The following PCDH1 variants were observed in gnomAD, a reference collection of about 807,000 sequenced individuals.
PCDH1 encodes protocadherin-1.
Under a neutral mutation model 74.6 loss-of-function variants are expected in PCDH1, and 23 were observed. The observed-to-expected ratio is 0.31, with a 90% confidence interval of 0.22 to 0.44. PCDH1 has a LOEUF of 0.44. Ranked by LOEUF, PCDH1 falls within the 20% of genes least tolerant of loss-of-function variation. PCDH1 has a pLI of 1.00. For missense variants in PCDH1, 1,214 were observed against 1,641.4 expected (o/e 0.74, Z 4.50); for synonymous variants, 647 against 686.1 (o/e 0.94, Z 0.89).
chr5:141,863,346 C>T lies in PCDH1; in HGVS notation c.2985G>A (p.Gln995=), dbSNP rs1258563592. Residue 995 remains glutamine, a synonymous_variant, in exon 3 of 5, where the codon CAG becomes CAA. Coordinates refer to ENST00000287008, the MANE Select transcript of PCDH1 (RefSeq NM_032420.5). This position sits in a 1 kb window ranked among gnomAD's most constrained non-coding sequence, Gnocchi z 7.5. ...CGAATGTGTTTGCAGGTGGCAGGTC[C>T]TGTACCACCTGGTGCTTCTTGGAGG... The part of the protein sequence containing the change: ...PSASKKHQVV[Q]DLPPANTFVG... The T allele has an allele frequency of 1.3e-6, 2 of 1,549,866 alleles. No individual in the cohort carries two copies. Among genetic ancestry groups the T allele is most frequent in the Non-Finnish European group, 1.7e-6 (2 of 1,147,592 alleles).
In PCDH1 at chr5:141,869,070, C is replaced by T. The variant is rs746401175; in HGVS notation, c.402G>A (p.Leu134=). ...GGTCTGTGATAGATACCTCAAACTC[C>T]AGGATGCAGGGATCACCAGGGAGCT... ...QNQLPGDPCI[L]EFEVSITDLV... Residue 134 remains leucine (L), a synonymous_variant, in exon 2 of 5, where the codon CTG becomes CTA. Coordinates refer to ENST00000287008, the MANE Select transcript of PCDH1 (RefSeq NM_032420.5). This position sits in a 1 kb window ranked among gnomAD's most constrained non-coding sequence, Gnocchi z 4.9. 9.3e-6 allele frequency: 15 copies of T among 1,614,034 alleles called. No homozygotes were observed. The highest frequency in any genetic ancestry group is 1.6e-4 in the Middle Eastern group (1 of 6,062).
At chr5:141,875,641 G>C (rs1397567763) in intron 1 of PCDH1, among the ~76,000 whole-genome samples, 4 of 152,240 alleles carry the variant, frequency 2.6e-5, no homozygotes, top group Middle Eastern at 6.8e-3. Flanking sequence ...AGACCAGCAA[G>C]ACACCCACTT....
At chr5:141,873,163 G>A (rs998562190) in intron 1 of PCDH1, among the ~76,000 whole-genome samples, 10 of 151,682 alleles carry the variant, frequency 6.6e-5, no homozygotes, top group Admixed American at 4.6e-4. Flanking sequence ...GTCTCACTCC[G>A]TTGCCAGGCT....
chr5:141,856,769 C>T (rs1265338418), intron 4 of PCDH1, among the ~76,000 whole-genome samples: 1 of 152,172 alleles, frequency 6.6e-6, no homozygotes, highest in Non-Finnish European at 1.5e-5. Context: ...TCACTCCATT[C>T]TCTGAGCCCC....
intron 3 of PCDH1, chr5:141,862,594 G>A (rs1180114285): frequency 4.1e-6 from 4 of 981,662 alleles, no homozygotes; most frequent in Non-Finnish European, 4.8e-6. Context: ...GAGGACAAAG[G>A]GCTGCTTCCA....
chr5:141,872,031 C>T lies in PCDH1; in HGVS notation c.41-2600G>A, dbSNP rs1220763093. Among the ~76,000 whole-genome samples, 9 of 152,312 alleles carry T rather than the reference C, an allele frequency of 5.9e-5. No individual in the cohort carries two copies. In the South Asian group the frequency reaches 1.2e-3, roughly 21 times the overall value. ...TATGGCCTTCCCCAAGCACAGGCCC[C>T]TCCCTAAAGTGTGTGCGGCGTTATC... On this transcript the variant is annotated intron_variant, in intron 1 of 4. Coordinates refer to ENST00000287008, the MANE Select transcript of PCDH1 (RefSeq NM_032420.5).
At chr5:141,854,558 C>A in intron 4 of PCDH1, 122 bp from the exon 5 acceptor site, 1 of 1,004,756 alleles carries the variant, frequency 1.0e-6, no homozygotes. Context: ...CCTTCCTGAC[C>A]GCTGAACTCA....
In PCDH1 at chr5:141,853,959, G is replaced by T; in HGVS notation, c.*83C>A. 8.0e-7 allele frequency: 1 copy of T among 1,251,912 alleles called. No homozygotes were observed. The allele number at this position is 1,251,912 out of a possible 1,614,324, so 77.6% of individuals were successfully genotyped here. A position where few individuals can be genotyped will look rare whatever the true frequency, so the allele number is the denominator to read the frequency against. On this transcript the variant is annotated 3_prime_UTR_variant, in exon 5 of 5. Coordinates refer to ENST00000287008, the MANE Select transcript of PCDH1 (RefSeq NM_032420.5). ...CCTGGCCAGGAAGTCCACGCTGAAG[G>T]GGTGGAGAGTGAGGCCCTGGAATGG...
At chr5:141,856,318 G>A (rs912315906) in intron 4 of PCDH1, 24 of 1,423,564 alleles carry the variant, frequency 1.7e-5, no homozygotes, top group Non-Finnish European at 2.3e-5. Flanking sequence ...GAGGGGCGGG[G>A]TGGGGGTGGA....
At chr5:141,872,337 G>A (rs1753115837) in intron 1 of PCDH1, among the ~76,000 whole-genome samples, 1 of 152,220 alleles carries the variant, frequency 6.6e-6, no homozygotes, top group Non-Finnish European at 1.5e-5. Flanking sequence ...CGTTATGTGG[G>A]AAGCCCACGG....
intron 3 of PCDH1, among the ~76,000 whole-genome samples, chr5:141,859,439 C>A (rs1174380032): frequency 2.0e-5 from 3 of 152,146 alleles, no homozygotes; most frequent in African/African-American, 4.8e-5. Flanking sequence ...ATCAAAAAAT[C>A]TCTCTCAAAC....
rs1172659463 is a variant in PCDH1, at chr5:141,864,060, T to A, written c.2271A>T (p.Ala757=). 1 of 1,613,806 alleles carries A rather than the reference T, an allele frequency of 6.2e-7. No individual in the cohort carries two copies. The highest frequency in any genetic ancestry group is 8.5e-7 in the Non-Finnish European group (1 of 1,179,804). ...GVNAELIYSI[A]GGNPYGLFQI... is the part of the protein sequence containing the mutation. ...GGAAGAGTCCATAAGGGTTGCCACCTGCAATGCTGTAGATCAGCTCAGCAT... is the reference window on the plus strand; with the variant it reads ...GGAAGAGTCCATAAGGGTTGCCACCAGCAATGCTGTAGATCAGCTCAGCAT... The change falls in exon 3 of 5, where the codon GCA becomes GCT. Residue 757 remains alanine, a synonymous_variant. Coordinates refer to ENST00000287008, the MANE Select transcript of PCDH1 (RefSeq NM_032420.5). The surrounding 1 kb of genome is among the most constrained non-coding windows in gnomAD (Gnocchi z 5.9).
intron 3 of PCDH1, among the ~76,000 whole-genome samples, chr5:141,862,224 T>C (rs1338339540): frequency 6.6e-6 from 1 of 152,108 alleles, no homozygotes; most frequent in Non-Finnish European, 1.5e-5. Flanking sequence ...TGCCTTCACC[T>C]AAGGCAGGAA....
Position 141,864,445 on chromosome 5 carries a change from C to T in PCDH1, c.1886G>A (p.Ser629Asn), listed in dbSNP as rs1189052176. 1.2e-6 allele frequency: 2 copies of T among 1,614,150 alleles called. No homozygotes were observed. The highest frequency in any genetic ancestry group is 1.7e-5 in the Admixed American group (1 of 60,022). ...AATGACAGTCACCATGCCCACTGGACTCAGTGCTGGCATGTTCTCCATCAC... is the reference window on the plus strand; with the variant it reads ...AATGACAGTCACCATGCCCACTGGATTCAGTGCTGGCATGTTCTCCATCAC... ...FSVMENMPAL[S>N]PVGMVTVIDG... The change falls in exon 3 of 5, where the codon AGT (serine) becomes AAT (asparagine). Residue 629 changes from serine to asparagine, a missense_variant. Physicochemically the swap from Ser to Asn is conservative, Grantham distance 46 (BLOSUM62 1). Coordinates refer to ENST00000287008, the MANE Select transcript of PCDH1 (RefSeq NM_032420.5). The surrounding 1 kb of genome is among the most constrained non-coding windows in gnomAD (Gnocchi z 5.9).
In PCDH1 at chr5:141,853,160, G is replaced by GA. The variant is rs1752189111; in HGVS notation, c.*881_*882insT. The GA allele has an allele frequency of 6.6e-6, 1 of 152,178 alleles. No homozygotes were observed. Among genetic ancestry groups the GA allele is most frequent in the Non-Finnish European group, 1.5e-5 (1 of 68,068 alleles). The allele number at this position is 152,178 out of a possible 1,614,324, so 9.4% of individuals were successfully genotyped here. A position where few individuals can be genotyped will look rare whatever the true frequency, so the allele number is the denominator to read the frequency against. ...AGCCCAGCTCTGCTGATAGGCAAAT[G>GA]TTACCCCCGTCCCCACCCCCACCCA... On this transcript the variant is annotated 3_prime_UTR_variant, in exon 5 of 5. Transcript: ENST00000287008.
At chr5:141,867,897 C>T (rs72794086) in intron 2 of PCDH1, among the ~76,000 whole-genome samples, 16,437 of 152,232 alleles carry the variant, frequency 0.11, 1,012 homozygotes, top group African/African-American at 0.15. Context: ...AGCTGCCTAG[C>T]GCCTGGGGCA....
chr5:141,873,325 A>G (rs1373582874), intron 1 of PCDH1, among the ~76,000 whole-genome samples: 1 of 139,594 alleles, frequency 7.2e-6, no homozygotes, highest in African/African-American at 2.7e-5. Context: ...ATTTTAGTAG[A>G]GACGGGGTTT....
intron 1 of PCDH1, among the ~76,000 whole-genome samples, chr5:141,871,930 G>A (rs1753103810): frequency 6.6e-6 from 1 of 152,128 alleles, no homozygotes; most frequent in Non-Finnish European, 1.5e-5. Context: ...TCTGTTTAGG[G>A]CACATAGTAG....
At position 141,869,769 on chromosome 5, in the gene PCDH1, T is replaced by C. The variant is rs939794926; in HGVS notation, c.41-338A>G. 31 of 985,318 alleles carry C rather than the reference T, an allele frequency of 3.1e-5. No individual in the cohort carries two copies. Among genetic ancestry groups the C allele is most frequent in the Non-Finnish European group, 3.7e-5 (31 of 829,942 alleles). The allele number at this position is 985,318 out of a possible 1,614,324, so 61.0% of individuals were successfully genotyped here. ...TTTCCTTCTTTTCCTCCTTGCTCTC[T>C]GCTCTGTGCTTCACCCAACACCTCC... On this transcript the variant is annotated intron_variant, in intron 1 of 4. Coordinates refer to ENST00000287008, the MANE Select transcript of PCDH1 (RefSeq NM_032420.5). This position sits in a 1 kb window ranked among gnomAD's most constrained non-coding sequence, Gnocchi z 4.9.
Sources: allele counts gnomAD v4.1 joint callset (sites outside exome capture counted in the v4.1 genomes callset), GRCh38; gene constraint gnomAD v4.1.1; non-coding constraint Gnocchi (gnomAD v3.1); transcripts MANE v1.5; gene names NCBI Gene and HGNC (gene_info 2026-07-23, HGNC 2026-07-21).